The following RAB3GAP1 variants were observed in gnomAD, a reference collection of about 807,000 sequenced individuals.
RAB3GAP1 encodes RAB3 GTPase activating protein catalytic subunit 1.
A neutral mutation model predicts 130.7 loss-of-function variants in RAB3GAP1; 86 were observed. The observed-to-expected ratio is 0.66, with a 90% confidence interval of 0.55 to 0.79. The LOEUF is 0.79. Ranked by LOEUF, RAB3GAP1 falls within the 30% of genes least tolerant of loss-of-function variation. The pLI is 0.00. For missense variants in RAB3GAP1, 1,029 were observed against 1,169.4 expected, an observed-to-expected ratio of 0.88 and a Z score of 1.75; for synonymous variants, 367 against 401.7, an observed-to-expected ratio of 0.91 and a Z score of 1.03.
At chr2:135,147,763 C>T (rs1049850949) in intron 17 of RAB3GAP1, among the ~76,000 whole-genome samples, 9 of 152,006 alleles carry the variant, frequency 5.9e-5, no homozygotes, top group South Asian at 4.2e-4. Context: ...TTGGCGCCCA[C>T]GACCATGCCC....
intron 7 of RAB3GAP1, among the ~76,000 whole-genome samples, chr2:135,117,549 T>G (rs1170620558): frequency 3.6e-5 from 3 of 83,616 alleles, no homozygotes; most frequent in East Asian, 2.7e-4. Context: ...TTCTGCTTCT[T>G]CTTCTTCTGC....
At chr2:135,133,386 T>A (rs560554468) in intron 14 of RAB3GAP1, among the ~76,000 whole-genome samples, 1 of 152,200 alleles carries the variant, frequency 6.6e-6, no homozygotes, top group South Asian at 2.1e-4. Flanking sequence ...CTTTGAAAAA[T>A]TAAGAAGTTG....
intron 5 of RAB3GAP1, among the ~76,000 whole-genome samples, chr2:135,101,992 T>A (rs1168115997): frequency 6.6e-6 from 1 of 152,196 alleles, no homozygotes; most frequent in Non-Finnish European, 1.5e-5. Flanking sequence ...GGCAAGATAA[T>A]GAACCCTGCT....
At chr2:135,143,142 T>A (rs1310577437) in intron 17 of RAB3GAP1, among the ~76,000 whole-genome samples, 1 of 152,028 alleles carries the variant, frequency 6.6e-6, no homozygotes, top group South Asian at 2.1e-4. Flanking sequence ...AAACTATTCT[T>A]ATTTTTTATT....
At chr2:135,168,473 C>T (rs1692729636) in intron 23 of RAB3GAP1, 72 bp from the exon 24 acceptor site, 1 of 1,152,264 alleles carries the variant, frequency 8.7e-7, no homozygotes, top group Non-Finnish European at 1.3e-6. Context: ...TATGTTAATT[C>T]ATCTGTCCTT....
At chr2:135,152,928 A>G (rs1692214528) in intron 18 of RAB3GAP1, 1 of 152,258 alleles carries the variant, frequency 6.6e-6, no homozygotes, top group African/African-American at 2.4e-5. Flanking sequence ...GGTTTTTGGC[A>G]TACATCATCA....
intron 5 of RAB3GAP1, among the ~76,000 whole-genome samples, chr2:135,110,610 A>AT (rs1343706125): frequency 6.6e-6 from 1 of 152,202 alleles, no homozygotes; most frequent in Non-Finnish European, 1.5e-5. Flanking sequence ...ATACAGTGGC[A>AT]TTGTGTGTGT....
chr2:135,164,798 C>A, intron 23 of RAB3GAP1, 102 bp downstream of exon 23: 4 of 867,016 alleles, frequency 4.6e-6, no homozygotes, highest in Middle Eastern at 2.8e-4. Flanking sequence ...CTCATGTCAC[C>A]TGAGTGTAAG....
rs1691358899 is a variant in RAB3GAP1, at chr2:135,126,668, TA to T, written c.973+13del. On this transcript the variant is annotated intron_variant, in intron 11 of 23. Transcript: ENST00000264158. ...TCAGTGTTTGCTAGGTAAGGTATATTATGCTCCTTTCCTGAAATACTGCTGA... is the reference window on the plus strand; with the variant it reads ...TCAGTGTTTGCTAGGTAAGGTATATTTGCTCCTTTCCTGAAATACTGCTGA... 1 of 1,594,464 alleles carries T rather than the reference TA, an allele frequency of 6.3e-7. No homozygotes were observed. The highest frequency in any genetic ancestry group is 8.6e-7 in the Non-Finnish European group (1 of 1,162,318).
intron 5 of RAB3GAP1, among the ~76,000 whole-genome samples, chr2:135,110,140 C>CT (rs567522851): frequency 6.7e-4 from 97 of 143,770 alleles, no homozygotes; most frequent in South Asian, 6.2e-3. Flanking sequence ...GAGGTAAATC[C>CT]TTTTTTTTTT....
At chr2:135,151,780 C>T (rs1264518779) in intron 18 of RAB3GAP1, among the ~76,000 whole-genome samples, 1 of 152,236 alleles carries the variant, frequency 6.6e-6, no homozygotes. Flanking sequence ...CCAGCCTCCG[C>T]AGCAGTAATT....
At chr2:135,155,701 T>C (rs1392862076) in intron 19 of RAB3GAP1, among the ~76,000 whole-genome samples, 1 of 152,114 alleles carries the variant, frequency 6.6e-6, no homozygotes, top group Non-Finnish European at 1.5e-5. Flanking sequence ...TATGAACCTA[T>C]AGGCTATACT....
intron 22 of RAB3GAP1, among the ~76,000 whole-genome samples, chr2:135,163,559 GA>G (rs1692534336): frequency 1.3e-5 from 2 of 152,176 alleles, no homozygotes; most frequent in Non-Finnish European, 2.9e-5. Context: ...TGTGCCTTGC[GA>G]TTATGTTTTG....
At chr2:135,143,078 G>A (rs945471242) in intron 17 of RAB3GAP1, among the ~76,000 whole-genome samples, 3 of 151,792 alleles carry the variant, frequency 2.0e-5, no homozygotes, top group Admixed American at 6.6e-5. Context: ...TTTGTTTGTA[G>A]AAATATTTTC....
intron 17 of RAB3GAP1, among the ~76,000 whole-genome samples, chr2:135,138,122 C>T (rs1160853502): frequency 1.3e-5 from 2 of 151,770 alleles, no homozygotes; most frequent in South Asian, 2.1e-4. Flanking sequence ...CCACTGCACC[C>T]GGCCTGAAAA....
intron 3 of RAB3GAP1, among the ~76,000 whole-genome samples, chr2:135,083,379 C>T (rs545639319): frequency 1.3e-5 from 2 of 152,208 alleles, no homozygotes; most frequent in South Asian, 2.1e-4. Flanking sequence ...TTTTGAGGAC[C>T]TATCAGACTG....
Position 135,135,814 on chromosome 2 carries a change from G to A in RAB3GAP1, c.1805G>A (p.Ser602Asn). 1 of 1,614,212 alleles carries A rather than the reference G, an allele frequency of 6.2e-7. No individual in the cohort carries two copies. The highest frequency in any genetic ancestry group is 1.6e-4 in the Middle Eastern group (1 of 6,062). Residue 602 changes from serine (S) to asparagine (N), a missense_variant, in exon 17 of 24, where the codon AGT becomes AAT. By Grantham distance (46) the Ser-to-Asn change is conservative (BLOSUM62 1). Around this residue, in one of 3 missense-constraint regions of RAB3GAP1, gnomAD observed 373 missense variants for 493.6 expected, o/e 0.76. Transcript: ENST00000264158. ...TEELKGNGQE[S>N]GKKGGPKEMA... ...GAACTTAAAGGAAATGGACAAGAGAGTGGCAAGAAAGGAGGACCTAAGGAG... is the reference window on the plus strand; with the variant it reads ...GAACTTAAAGGAAATGGACAAGAGAATGGCAAGAAAGGAGGACCTAAGGAG...
In RAB3GAP1 at chr2:135,093,603, A is replaced by G; in HGVS notation, c.284-12A>G. On this transcript the variant is annotated splice_polypyrimidine_tract_variant and intron_variant, in intron 4 of 23. Coordinates refer to ENST00000264158, the MANE Select transcript of RAB3GAP1 (RefSeq NM_012233.3). ...AACATACTAACTTTTTCATTATCAA[A>G]TGTTTTTGTAGATGTTGTTCCACAA... 1.2e-6 allele frequency: 2 copies of G among 1,604,812 alleles called. No homozygotes were observed. The highest frequency in any genetic ancestry group is 1.7e-6 in the Non-Finnish European group (2 of 1,171,568).
downstream of RAB3GAP1, among the ~76,000 whole-genome samples, chr2:135,171,830 G>A (rs1692863355): frequency 6.6e-6 from 1 of 152,124 alleles, no homozygotes; most frequent in African/African-American, 2.4e-5. Flanking sequence ...AGGGGCTTAC[G>A]AGGCAGTGAC....
Sources: gnomAD v4.1 joint callset for allele counts (sites outside exome capture counted in the v4.1 genomes callset) on GRCh38, gnomAD v4.1.1 for gene constraint, gnomAD v4.1.1 regional missense constraint, MANE v1.5 for transcripts, NCBI Gene and HGNC (gene_info 2026-07-23, HGNC 2026-07-21) for gene names.